Variants in SNTG2 observed in about 807,000 individuals in gnomAD.
SNTG2 encodes the protein gamma-2-syntrophin.
A neutral mutation model predicts 70.9 loss-of-function variants in SNTG2; 74 were observed. The ratio of observed to expected loss-of-function variants is 1.04; its 90% CI spans 0.86 to 1.27. The LOEUF (loss-of-function observed/expected upper bound fraction) is 1.27. SNTG2 is among the 50% of genes most tolerant of loss of function. The pLI, the probability that SNTG2 is intolerant of heterozygous loss-of-function variation, is 0.00. For synonymous variants in SNTG2, 278 were observed against 273.8 expected (o/e 1.02, Z -0.15); for missense variants, 717 against 690.7 (o/e 1.04, Z -0.43).
At chr2:1,216,184 G>A (rs1040377278) in intron 9 of SNTG2, among the ~76,000 whole-genome samples, 7 of 152,150 alleles carry the variant, frequency 4.6e-5, no homozygotes, top group African/African-American at 1.7e-4. Flanking sequence ...GTGTAAAAAT[G>A]TTCCTATTTC....
chr2:1,149,980 G>T (rs934396876), intron 6 of SNTG2, among the ~76,000 whole-genome samples: 1 of 152,212 alleles, frequency 6.6e-6, no homozygotes, highest in East Asian at 1.9e-4. Flanking sequence ...GAGCCACCGC[G>T]CCCAGCTGAA....
At chr2:984,234 C>T (rs566299964) in intron 1 of SNTG2, among the ~76,000 whole-genome samples, 82 of 150,878 alleles carry the variant, frequency 5.4e-4, no homozygotes, top group African/African-American at 1.7e-3. Context: ...AACAGCCTTC[C>T]CACTTTTACC....
At chr2:1,280,077 T>C in intron 14 of SNTG2, among the ~76,000 whole-genome samples, 3 of 152,330 alleles carry the variant, frequency 2.0e-5, no homozygotes, top group Admixed American at 2.0e-4. Flanking sequence ...ATTTTCTAGA[T>C]AAATTTTCAA....
Position 1,297,597 on chromosome 2 carries a change from C to T in SNTG2, c.1285-10897C>T, listed in dbSNP as rs139107216. 5.9e-4 allele frequency among the ~76,000 whole-genome samples: 89 copies of T among 151,626 alleles called. 2 individuals are homozygous for T. In the East Asian group the frequency reaches 0.014, roughly 23 times the overall value. On this transcript the variant is annotated intron_variant, in intron 14 of 16. Transcript: ENST00000308624. ...ACAGCTCCTTCCCAGCGGCCCAGCC[C>T]GTCGCCTCTGCAGCTCCTTCCCAGT...
At chr2:1,183,292 A>G (rs1435791175) in intron 8 of SNTG2, among the ~76,000 whole-genome samples, 3 of 152,160 alleles carry the variant, frequency 2.0e-5, no homozygotes, top group Admixed American at 6.5e-5. Flanking sequence ...GGCCTATTAC[A>G]TATAAAACCA....
At chr2:1,282,257 C>T (rs77889554) in intron 14 of SNTG2, among the ~76,000 whole-genome samples, 2,424 of 152,226 alleles carry the variant, frequency 0.016, 35 homozygotes, top group Admixed American at 0.043. Context: ...ACGTGCACCG[C>T]CGAGTTTCTC....
chr2:1,191,886 ATAAG>A (rs1256304113), intron 8 of SNTG2, among the ~76,000 whole-genome samples: 1 of 151,886 alleles, frequency 6.6e-6, no homozygotes, highest in Non-Finnish European at 1.5e-5. Flanking sequence ...ATATATGTAC[ATAAG>A]TATGTATGTA....
At chr2:1,188,645 A>T (rs964321413) in intron 8 of SNTG2, among the ~76,000 whole-genome samples, 4 of 144,838 alleles carry the variant, frequency 2.8e-5, no homozygotes, top group African/African-American at 8.1e-5. Flanking sequence ...CCTGAAATAC[A>T]TGAAAAATGT....
intron 1 of SNTG2, among the ~76,000 whole-genome samples, chr2:1,021,116 C>G (rs1016542090): frequency 6.6e-6 from 1 of 152,146 alleles, no homozygotes; most frequent in African/African-American, 2.4e-5. Context: ...GTGTTTTGAT[C>G]TCTTCCAGTG....
intron 9 of SNTG2, chr2:1,210,503 C>G (rs778615873): frequency 6.6e-6 from 1 of 152,170 alleles, no homozygotes; most frequent in Non-Finnish European, 1.5e-5. Flanking sequence ...CATCAACCAT[C>G]GTAACCTCAC....
At chr2:1,185,753 C>T (rs1440190264) in intron 8 of SNTG2, among the ~76,000 whole-genome samples, 4 of 152,210 alleles carry the variant, frequency 2.6e-5, no homozygotes, top group Admixed American at 2.0e-4. Context: ...TCATTCTTCC[C>T]TCCAAGACCT....
In SNTG2 at chr2:1,318,448, T is replaced by G. The variant is rs13428724; in HGVS notation, c.1488+2073T>G. Among the ~76,000 whole-genome samples, 1,506 of 152,372 alleles carry G rather than the reference T, an allele frequency of 9.9e-3. 24 individuals carry two copies. Among genetic ancestry groups the G allele is most frequent in the African/African-American group, 0.033 (1,391 of 41,598 alleles). ...GGAAATTGTATGGGATTGTTTGACA[T>G]TTTTATGTTTTGGAAATTGACAAAA... On this transcript the variant is annotated intron_variant, in intron 16 of 16. Transcript: ENST00000308624.
chr2:1,316,238 T>C lies in SNTG2; in HGVS notation c.1378-27T>C, dbSNP rs1558201861. ...AAATAAATGAGCTCTTGTTTAGAAA[T>C]CGCTAATTAATTTTATTCCTTTACA... On this transcript the variant is annotated intron_variant, in intron 15 of 16. Transcript: ENST00000308624. The C allele has an allele frequency of 2.6e-6, 3 of 1,139,122 alleles. No individual in the cohort carries two copies. The Admixed American group carries it at 6.7e-5, about 25-fold the overall frequency. The allele number at this position is 1,139,122 out of a possible 1,614,324, so 70.6% of individuals were successfully genotyped here. A position where few individuals can be genotyped will look rare whatever the true frequency, so the allele number is the denominator to read the frequency against.
intron 14 of SNTG2, among the ~76,000 whole-genome samples, chr2:1,283,850 C>T (rs1436373542): frequency 1.3e-5 from 2 of 152,188 alleles, no homozygotes; most frequent in African/African-American, 4.8e-5. Flanking sequence ...GGGGAATAAA[C>T]AGTTAAAGAG....
intron 7 of SNTG2, among the ~76,000 whole-genome samples, chr2:1,166,564 G>C (rs1402650338): frequency 6.6e-6 from 1 of 152,180 alleles, no homozygotes; most frequent in Non-Finnish European, 1.5e-5. Flanking sequence ...CAGTAGTTGA[G>C]TTCTGATCAT....
At chr2:1,121,747 A>G (rs1667392036) in intron 4 of SNTG2, among the ~76,000 whole-genome samples, 1 of 152,184 alleles carries the variant, frequency 6.6e-6, no homozygotes, top group South Asian at 2.1e-4. Context: ...TCATGAGAAC[A>G]GCATGGGGGA....
At chr2:956,712 G>T (rs1222798329) in intron 1 of SNTG2, among the ~76,000 whole-genome samples, 1 of 152,236 alleles carries the variant, frequency 6.6e-6, no homozygotes, top group Non-Finnish European at 1.5e-5. Context: ...CGGGGAACTC[G>T]GTTCTGCCCT....
intron 1 of SNTG2, among the ~76,000 whole-genome samples, chr2:1,071,564 G>A (rs1308489393): frequency 1.3e-5 from 2 of 151,176 alleles, no homozygotes; most frequent in Non-Finnish European, 2.9e-5. Flanking sequence ...TGACGAGTTA[G>A]TGGGTGCAGC....
chr2:1,059,040 C>G (rs910864186), intron 1 of SNTG2: 1 of 152,280 alleles, frequency 6.6e-6, no homozygotes, highest in African/African-American at 2.4e-5. Context: ...GCAGCATTTC[C>G]TTCCTTGTCC....
Sources: allele counts gnomAD v4.1 joint callset (sites outside exome capture counted in the v4.1 genomes callset), GRCh38; gene constraint gnomAD v4.1.1; transcripts MANE v1.5; gene names NCBI Gene and HGNC (gene_info 2026-07-23, HGNC 2026-07-21).